The following CA10 variants were observed in gnomAD, a reference collection of about 807,000 sequenced individuals.
CA10 encodes the protein carbonic anhydrase-related protein 10.
A neutral mutation model predicts 44.2 loss-of-function variants in CA10; 14 were observed. The ratio of observed to expected loss-of-function variants is 0.32; its 90% confidence interval spans 0.21 to 0.50. CA10 has a LOEUF of 0.50. Among genes scored for constraint, CA10 ranks in the 20% least tolerant of loss-of-function variants. CA10 has a pLI of 0.99. For missense variants in CA10, 350 were observed against 409.7 expected (o/e 0.85, Z 1.26); for synonymous variants, 159 against 141.6 (o/e 1.12, Z -0.87).
intron 3 of CA10, among the ~76,000 whole-genome samples, chr17:51,876,053 T>C (rs1026346492): frequency 6.6e-6 from 1 of 152,030 alleles, no homozygotes; most frequent in African/African-American, 2.4e-5. Context: ...TCTGTTTAAC[T>C]ATGGAAAGAC....
intron 3 of CA10, among the ~76,000 whole-genome samples, chr17:51,805,838 C>T (rs1419068135): frequency 6.6e-6 from 1 of 152,128 alleles, no homozygotes; most frequent in Non-Finnish European, 1.5e-5. Flanking sequence ...AATTCATTCC[C>T]CAGGGAGTTT....
intron 1 of CA10, among the ~76,000 whole-genome samples, chr17:52,138,580 G>A (rs1989408898): frequency 6.6e-6 from 1 of 152,182 alleles, no homozygotes; most frequent in Non-Finnish European, 1.5e-5. Flanking sequence ...TGGTTCTAAA[G>A]TGAACAGCAT....
chr17:51,760,689 C>T (rs979432301), intron 3 of CA10, among the ~76,000 whole-genome samples: 1 of 152,160 alleles, frequency 6.6e-6, no homozygotes, highest in African/African-American at 2.4e-5. Flanking sequence ...TGTAGACAAT[C>T]ACATCTGATG....
In CA10 at chr17:51,796,102, C is replaced by T. The variant is rs113596754; in HGVS notation, c.280-48284G>A. 1.4e-3 allele frequency among the ~76,000 whole-genome samples: 219 copies of T among 152,262 alleles called. 1 individual carries two copies. Among genetic ancestry groups the T allele is most frequent in the African/African-American group, 5.0e-3 (206 of 41,552 alleles). ...ATTTTTCATCCAGTGTTTTTGCTGA[C>T]ATCTCTGTGATGACCTGGTCCTTCA... is the stretch of plus-strand genomic sequence containing the variant. On this transcript the variant is annotated intron_variant, in intron 3 of 8. Coordinates refer to ENST00000451037, the MANE Select transcript of CA10 (RefSeq NM_020178.5).
intron 6 of CA10, among the ~76,000 whole-genome samples, chr17:51,637,154 G>T (rs780514325): frequency 5.9e-4 from 90 of 152,072 alleles, no homozygotes; most frequent in Non-Finnish European, 1.1e-3. Flanking sequence ...GCACGTGATT[G>T]TTCTCTTCTG....
chr17:51,889,786 T>C (rs1034454233), intron 3 of CA10, among the ~76,000 whole-genome samples: 2 of 152,220 alleles, frequency 1.3e-5, no homozygotes, highest in African/African-American at 2.4e-5. Context: ...TTCACCTGCA[T>C]GTATGAAAAC....
chr17:52,053,018 C>G (rs1011632608), intron 2 of CA10, among the ~76,000 whole-genome samples: 1 of 151,612 alleles, frequency 6.6e-6, no homozygotes, highest in African/African-American at 2.4e-5. Flanking sequence ...AGAAGCAGAC[C>G]AAACCAAGGT....
At chr17:52,030,875 T>C (rs1036046291) in intron 2 of CA10, among the ~76,000 whole-genome samples, 1 of 152,060 alleles carries the variant, frequency 6.6e-6, no homozygotes, top group African/African-American at 2.4e-5. Context: ...TCTTTGGTCA[T>C]GGAATGGGGA....
chr17:51,967,191 G>A (rs904966362), intron 2 of CA10, among the ~76,000 whole-genome samples: 5 of 151,586 alleles, frequency 3.3e-5, no homozygotes, highest in African/African-American at 1.2e-4. Flanking sequence ...AAAAACAATA[G>A]ATACTGGTGA....
At chr17:51,808,193 T>G (rs542904916) in intron 3 of CA10, among the ~76,000 whole-genome samples, 102 of 152,184 alleles carry the variant, frequency 6.7e-4, no homozygotes, top group Non-Finnish European at 1.3e-3. Context: ...TTCAGTCAAT[T>G]GAAGAAAGGT....
At chr17:51,874,950 GTTTTTTTTTCTTTT>G (rs750712985) in intron 3 of CA10, among the ~76,000 whole-genome samples, 1 of 5,942 alleles carries the variant, frequency 1.7e-4, no homozygotes, top group East Asian at 6.9e-3. Flanking sequence ...TTTTTCTTCT[GTTTTTTTTTCTTTT>G]TTTTCTTTTC....
intron 1 of CA10, among the ~76,000 whole-genome samples, chr17:52,145,344 A>C (rs1989561424): frequency 1.3e-5 from 2 of 152,268 alleles, no homozygotes; most frequent in African/African-American, 2.4e-5. Context: ...AAAGTTCCTA[A>C]GTTGGAAAGG....
Position 51,630,771 on chromosome 17 carries a change from A to T in CA10, c.*813T>A, listed in dbSNP as rs369549755. 17 of 152,634 alleles carry T rather than the reference A, an allele frequency of 1.1e-4. No individual in the cohort carries two copies. Among genetic ancestry groups the T allele is most frequent in the African/African-American group, 4.1e-4 (17 of 41,462 alleles). The allele number at this position is 152,634 out of a possible 1,614,324, so 9.5% of individuals were successfully genotyped here. ...GAACAGACCAAAGCCAGAAAAATGA[A>T]ATTAACTCGTTAAACACATTTATTG... On this transcript the variant is annotated 3_prime_UTR_variant, in exon 9 of 9. Transcript: ENST00000451037.
At chr17:51,774,976 C>T (rs1905761374) in intron 3 of CA10, among the ~76,000 whole-genome samples, 1 of 152,190 alleles carries the variant, frequency 6.6e-6, no homozygotes, top group South Asian at 2.1e-4. Context: ...TTATTCCCCT[C>T]CTCTTACAGA....
chr17:51,737,116 C>A (rs1246936883), intron 4 of CA10, among the ~76,000 whole-genome samples: 1 of 152,184 alleles, frequency 6.6e-6, no homozygotes, highest in African/African-American at 2.4e-5. Flanking sequence ...GGTAAGGTGA[C>A]TGTCTAAGGT....
chr17:51,730,942 T>C (rs1458880226), intron 4 of CA10, among the ~76,000 whole-genome samples: 2 of 151,004 alleles, frequency 1.3e-5, no homozygotes, highest in African/African-American at 4.9e-5. Context: ...TTTAGTACCT[T>C]GGAAAGGACC....
chr17:52,110,009 C>T (rs943906925), intron 1 of CA10, among the ~76,000 whole-genome samples: 3 of 152,174 alleles, frequency 2.0e-5, no homozygotes, highest in African/African-American at 7.2e-5. Flanking sequence ...TGTGCATGCT[C>T]ATACCCTCCT....
chr17:51,798,338 T>C (rs1363287786), intron 3 of CA10, among the ~76,000 whole-genome samples: 1 of 152,242 alleles, frequency 6.6e-6, no homozygotes, highest in African/African-American at 2.4e-5. Context: ...TGAATACTGT[T>C]GTGCATGTGC....
intron 3 of CA10, among the ~76,000 whole-genome samples, chr17:51,859,397 T>C (rs1293695815): frequency 6.6e-6 from 1 of 152,186 alleles, no homozygotes; most frequent in Non-Finnish European, 1.5e-5. Flanking sequence ...AGTATGTTAA[T>C]GTCTCCCCAG....
Sources: gnomAD v4.1 joint callset for allele counts (sites outside exome capture counted in the v4.1 genomes callset) on GRCh38, gnomAD v4.1.1 for gene constraint, MANE v1.5 for transcripts, NCBI Gene and HGNC (gene_info 2026-07-23, HGNC 2026-07-21) for gene names.